Variants in RBM47 observed in about 807,000 individuals in gnomAD.
The protein encoded by RBM47 is RNA binding motif protein 47, also known as RNA-binding protein 47.
A neutral mutation model predicts 47.1 loss-of-function variants in RBM47; 21 were observed. That is an observed-to-expected ratio of 0.45 (90% confidence interval 0.32 to 0.64). RBM47 has a LOEUF of 0.64. RBM47 is among the 30% of genes least tolerant of loss of function. The probability of loss-of-function intolerance (pLI) is 0.05; values close to 1 mark genes in which losing one functional copy is unlikely to be tolerated. For synonymous variants in RBM47, 375 were observed against 361.7 expected (o/e 1.04, Z -0.42); for missense variants, 708 against 870.9 (o/e 0.81, Z 2.35).
chr4:40,563,844 A>G (rs953787521), intron 1 of RBM47, among the ~76,000 whole-genome samples: 1 of 152,238 alleles, frequency 6.6e-6, no homozygotes, highest in Non-Finnish European at 1.5e-5. Flanking sequence ...CAATTGCCCA[A>G]TGTATTTGAA....
In RBM47 at chr4:40,432,676, G is replaced by C; in HGVS notation, c.1517C>G (p.Thr506Ser). The C allele has an allele frequency of 6.2e-7, 1 of 1,610,790 alleles. No individual in the cohort carries two copies. The highest frequency in any genetic ancestry group is 8.5e-7 in the Non-Finnish European group (1 of 1,179,550). ...CTGGAAAGGTGGTGGCGTCGACACAGTGGGAATGACAGCGGCTGCGGCGGC... is the reference window on the plus strand; with the variant it reads ...CTGGAAAGGTGGTGGCGTCGACACACTGGGAATGACAGCGGCTGCGGCGGC... The part of the protein sequence containing the change: ...AAAAAAAVIP[T>S]VSTPPPFQGR... The change falls in exon 6 of 7, where the codon ACT (threonine) becomes AGT (serine). Residue 506 changes from threonine to serine, a missense_variant. Thr to Ser is a moderately conservative substitution (Grantham distance 58). Transcript: ENST00000295971.
intron 2 of RBM47, among the ~76,000 whole-genome samples, chr4:40,479,073 T>C (rs1344896353): frequency 1.3e-5 from 2 of 152,212 alleles, no homozygotes; most frequent in Admixed American, 1.3e-4. Flanking sequence ...TCAGCAATAA[T>C]AGTTGGCTAA....
At chr4:40,532,877 T>G (rs1036361972) in intron 2 of RBM47, among the ~76,000 whole-genome samples, 2 of 152,134 alleles carry the variant, frequency 1.3e-5, no homozygotes, top group Non-Finnish European at 2.9e-5. Flanking sequence ...TACCAGTAGC[T>G]TATAGCCTCT....
chr4:40,492,427 G>A (rs1251280653), intron 2 of RBM47, among the ~76,000 whole-genome samples: 1 of 152,120 alleles, frequency 6.6e-6, no homozygotes, highest in African/African-American at 2.4e-5. Context: ...GAGAAGTATG[G>A]CAGATGCTGC....
At chr4:40,478,897 A>G (rs11943591) in intron 2 of RBM47, among the ~76,000 whole-genome samples, 2,441 of 152,354 alleles carry the variant, frequency 0.016, 78 homozygotes, top group African/African-American at 0.055. Context: ...TATATTTGAC[A>G]CTATTTAGAA....
rs1406854840 is a variant in RBM47 at position 40,628,297 on chromosome 4, T to G, written c.-240+1099A>C. Among the ~76,000 whole-genome samples, 1 of 152,212 alleles carries G rather than the reference T, an allele frequency of 6.6e-6. No individual in the cohort carries two copies. The highest frequency in any genetic ancestry group is 1.5e-5 in the Non-Finnish European group (1 of 68,026). On this transcript the variant is annotated intron_variant, in intron 1 of 6. Coordinates refer to ENST00000295971, the MANE Select transcript of RBM47 (RefSeq NM_001098634.2). The surrounding 1 kb of genome is among the most constrained non-coding windows in gnomAD (Gnocchi z 4.0). ...TCAGACTGGGTTGATTTTAGTTCCCTCCAAGACTTCAAGTCATTGATCTAA... is the reference window on the plus strand; with the variant it reads ...TCAGACTGGGTTGATTTTAGTTCCCGCCAAGACTTCAAGTCATTGATCTAA...
chr4:40,431,596 T>G (rs1716046180), intron 6 of RBM47, among the ~76,000 whole-genome samples: 2 of 151,086 alleles, frequency 1.3e-5, no homozygotes, highest in South Asian at 4.2e-4. Flanking sequence ...AGGCGGAGCT[T>G]GCAGTGAGCC....
At chr4:40,519,425 G>A (rs1725957497) in intron 2 of RBM47, among the ~76,000 whole-genome samples, 1 of 151,098 alleles carries the variant, frequency 6.6e-6, no homozygotes. Flanking sequence ...AGCCTCCAGA[G>A]TAGCTGGGAT....
intron 1 of RBM47, among the ~76,000 whole-genome samples, chr4:40,572,096 A>AC (rs1480463059): frequency 1.4e-5 from 2 of 147,394 alleles, no homozygotes; most frequent in African/African-American, 4.9e-5. Flanking sequence ...GGAAAAAAAA[A>AC]AAAAAACCCA....
At chr4:40,481,584 C>T (rs1259384938) in intron 2 of RBM47, among the ~76,000 whole-genome samples, 1 of 149,622 alleles carries the variant, frequency 6.7e-6, no homozygotes, top group African/African-American at 2.5e-5. Context: ...CGGAGTCTCG[C>T]TCTGTTGCCC....
chr4:40,506,820 C>T (rs891139028), intron 2 of RBM47, among the ~76,000 whole-genome samples: 7 of 152,152 alleles, frequency 4.6e-5, no homozygotes, highest in South Asian at 2.1e-4. Flanking sequence ...GTGGCTTGAA[C>T]GCCTCTCTCC....
chr4:40,480,198 G>C (rs1478963410), intron 2 of RBM47, among the ~76,000 whole-genome samples: 1 of 151,890 alleles, frequency 6.6e-6, no homozygotes, highest in Non-Finnish European at 1.5e-5. Flanking sequence ...GGCTGGTCTC[G>C]AACTCCTGAC....
chr4:40,542,800 G>A (rs925624173), intron 2 of RBM47: 5 of 152,160 alleles, frequency 3.3e-5, no homozygotes. Flanking sequence ...GCCTCCCTAT[G>A]TGCTGGGATT....
chr4:40,588,196 A>G (rs1733776745), intron 1 of RBM47, among the ~76,000 whole-genome samples: 1 of 152,218 alleles, frequency 6.6e-6, no homozygotes, highest in South Asian at 2.1e-4. Flanking sequence ...TGCTAAATAT[A>G]GTAACCTTAG....
In RBM47 at chr4:40,441,949, T is replaced by A. The variant is rs10755175; in HGVS notation, c.-31-3025A>T. On this transcript the variant is annotated intron_variant, in intron 3 of 6. Coordinates refer to ENST00000295971, the MANE Select transcript of RBM47 (RefSeq NM_001098634.2). ...AATAAACAAACCATGTTAGCGACCC[T>A]GTTTTTATTTTTACTTTGGCCTCTA... Among the ~76,000 whole-genome samples, 6 of 151,948 alleles carry A rather than the reference T, an allele frequency of 3.9e-5. No individual in the cohort carries two copies. The South Asian group carries it at 6.2e-4, about 16-fold the overall frequency.
chr4:40,531,157 A>G (rs1437709636), intron 2 of RBM47, among the ~76,000 whole-genome samples: 1 of 152,090 alleles, frequency 6.6e-6, no homozygotes, highest in African/African-American at 2.4e-5. Flanking sequence ...CTTGGTTTAC[A>G]TAAAACGAAA....
At chr4:40,467,617 A>G (rs1339145297) in intron 2 of RBM47, among the ~76,000 whole-genome samples, 1 of 152,070 alleles carries the variant, frequency 6.6e-6, no homozygotes, top group Non-Finnish European at 1.5e-5. Flanking sequence ...GAGGATGTTC[A>G]TCGCATGGAG....
chr4:40,597,675 G>C (rs73134441), intron 1 of RBM47, among the ~76,000 whole-genome samples: 3,444 of 152,226 alleles, frequency 0.023, 120 homozygotes, highest in African/African-American at 0.079. Context: ...TGATAAACTG[G>C]AAATTTTAAA....
At chr4:40,454,858 T>C (rs919036190) in intron 3 of RBM47, among the ~76,000 whole-genome samples, 4 of 152,294 alleles carry the variant, frequency 2.6e-5, no homozygotes, top group Admixed American at 6.5e-5. Flanking sequence ...ACTTACAGAA[T>C]TGAAATGTAG....
Sources: gnomAD v4.1 joint callset for allele counts (sites outside exome capture counted in the v4.1 genomes callset) on GRCh38, gnomAD v4.1.1 for gene constraint, Gnocchi (gnomAD v3.1) non-coding constraint, MANE v1.5 for transcripts, NCBI Gene and HGNC (gene_info 2026-07-23, HGNC 2026-07-21) for gene names.